The following TSPAN4 variants were observed in gnomAD, a reference collection of about 807,000 sequenced individuals.
TSPAN4 encodes tetraspanin-4.
A neutral mutation model predicts 31.5 loss-of-function variants in TSPAN4; 38 were observed. That is an observed-to-expected ratio of 1.21 (90% CI 0.93 to 1.58). The LOEUF is 1.58. Ranked by LOEUF, TSPAN4 falls within the 40% of genes most tolerant of loss-of-function variation. The pLI is 0.00. For missense variants in TSPAN4, 330 were observed against 317.3 expected (o/e 1.04, Z -0.30); for synonymous variants, 186 against 144.6 (o/e 1.29, Z -2.06).
At chr11:851,340 T>A (rs1015713516) in intron 3 of TSPAN4, among the ~76,000 whole-genome samples, 3 of 152,164 alleles carry the variant, frequency 2.0e-5, no homozygotes, top group Admixed American at 6.5e-5. Flanking sequence ...CTGAACCAGC[T>A]CCTGCAGCTG....
At chr11:864,760 T>TC in intron 5 of TSPAN4, 3 of 576,672 alleles carry the variant, frequency 5.2e-6, no homozygotes, top group Non-Finnish European at 9.3e-6. Context: ...CCCCAGGTTG[T>TC]CCCCCGCCCT....
At chr11:861,385 C>T (rs901453133) in intron 3 of TSPAN4, among the ~76,000 whole-genome samples, 34 of 152,096 alleles carry the variant, frequency 2.2e-4, no homozygotes, top group Middle Eastern at 3.4e-3. Flanking sequence ...GAGGCCGAGA[C>T]GGGCTGATCA....
intron 5 of TSPAN4, 77 bp downstream of exon 5, chr11:864,588 G>A (rs962139487): frequency 2.6e-5 from 40 of 1,564,998 alleles, no homozygotes; most frequent in Middle Eastern, 1.7e-4. Flanking sequence ...CTGTGGGCCC[G>A]GTGTGGACAG....
chr11:848,575 C>T lies in TSPAN4; in HGVS notation c.-18+1275C>T, dbSNP rs918963207. 5.9e-5 allele frequency among the ~76,000 whole-genome samples: 9 copies of T among 152,168 alleles called. No homozygotes were observed. Among genetic ancestry groups the T allele is most frequent in the Non-Finnish European group, 1.0e-4 (7 of 68,006 alleles). On this transcript the variant is annotated intron_variant, in intron 2 of 8. Transcript: ENST00000397397. The surrounding 1 kb of genome is among the most constrained non-coding windows in gnomAD (Gnocchi z 5.7). ...CCGGGGCTTCCACGGCAGCCCTCCC[C>T]AGACCTGCCACCTCCCACATCAGTC...
At chr11:851,780 G>A (rs377459762) in intron 3 of TSPAN4, among the ~76,000 whole-genome samples, 30 of 152,110 alleles carry the variant, frequency 2.0e-4, no homozygotes, top group East Asian at 1.7e-3. Flanking sequence ...ACGGGGGGAC[G>A]GGGCAGAATG....
At chr11:846,800 C>T (rs1183614974) in intron 1 of TSPAN4, among the ~76,000 whole-genome samples, 1 of 152,110 alleles carries the variant, frequency 6.6e-6, no homozygotes, top group East Asian at 1.9e-4. Flanking sequence ...GGTCCAGGAC[C>T]CCAGGGAGGA....
At chr11:866,153 G>A (rs1848803178) in intron 8 of TSPAN4, 152 bp downstream of exon 8, 5 of 817,842 alleles carry the variant, frequency 6.1e-6, no homozygotes, top group East Asian at 2.7e-5. Flanking sequence ...GGATGGGCAG[G>A]GACGGCCTGT....
At chr11:855,334 C>T (rs981166637) in intron 3 of TSPAN4, among the ~76,000 whole-genome samples, 5 of 152,194 alleles carry the variant, frequency 3.3e-5, no homozygotes, top group Non-Finnish European at 7.4e-5. Flanking sequence ...CGCGCTTGTG[C>T]GATGTGAGCC....
At position 862,536 on chromosome 11, in the gene TSPAN4, T is replaced by C. The variant is rs1251293663; in HGVS notation, c.64-14T>C. The C allele has an allele frequency of 2.5e-6, 4 of 1,596,012 alleles. No individual in the cohort carries two copies. In the South Asian group the frequency reaches 3.4e-5, roughly 14 times the overall value. On this transcript the variant is annotated splice_polypyrimidine_tract_variant and intron_variant, in intron 3 of 8. Coordinates refer to ENST00000397397, the MANE Select transcript of TSPAN4 (RefSeq NM_003271.5). Reference sequence around the variant, plus strand: ...CCTCACCCTGTCTGTGTCTCTCCTGTTGCTGTGCCCCAGCTGGGAGGCTGT... The same window carrying C: ...CCTCACCCTGTCTGTGTCTCTCCTGCTGCTGTGCCCCAGCTGGGAGGCTGT...
At chr11:857,507 A>G (rs577204934) in intron 3 of TSPAN4, 1 of 144,660 alleles carries the variant, frequency 6.9e-6, no homozygotes, top group South Asian at 2.2e-4. Context: ...GGTTCACGCC[A>G]TTCTCCTGCC....
At chr11:859,239 TCACA>T (rs530492449) in intron 3 of TSPAN4, among the ~76,000 whole-genome samples, 10 of 45,178 alleles carry the variant, frequency 2.2e-4, no homozygotes, top group African/African-American at 9.6e-4. Context: ...TCATCCCCGC[TCACA>T]CACACCCCCA....
intron 5 of TSPAN4, chr11:865,042 T>G: frequency 5.6e-6 from 1 of 178,630 alleles, no homozygotes. Flanking sequence ...GACTTTTCAT[T>G]TTGGGGCACG....
Position 860,825 on chromosome 11 carries a change from C to A in TSPAN4, c.64-1725C>A, listed in dbSNP as rs188351323. 8.1e-3 allele frequency among the ~76,000 whole-genome samples: 1,234 copies of A among 152,232 alleles called. 28 individuals are homozygous for A. Among genetic ancestry groups the A allele is most frequent in the African/African-American group, 0.028 (1,150 of 41,532 alleles). On this transcript the variant is annotated intron_variant, in intron 3 of 8. Transcript: ENST00000397397. The stretch of plus-strand genomic sequence containing the variant: ...CAGGTTGAGGGGTGGCTTTGCCAGC[C>A]CATTCCCAAGTCCTGTCCAGTCCAG...
At position 862,693 on chromosome 11, in the gene TSPAN4, C is replaced by T. The variant is rs768894678; in HGVS notation, c.207C>T (p.Phe69=). ...GCGCCTTTGTCATGGCCATCGGCTT[C>T]GTGGGCTGCCTGGGTGCCATCAAGG... is the stretch of plus-strand genomic sequence containing the variant. ...ITGAFVMAIG[F]VGCLGAIKEN... is the part of the protein sequence containing the mutation. Residue 69 remains phenylalanine, a synonymous_variant, in exon 4 of 9, where the codon TTC becomes TTT. Transcript: ENST00000397397. 1.4e-5 allele frequency: 23 copies of T among 1,612,958 alleles called. No homozygotes were observed. The highest frequency in any genetic ancestry group is 4.5e-5 in the East Asian group (2 of 44,878).
rs183744017 is a variant in TSPAN4 at position 861,440 on chromosome 11, T to C, written c.64-1110T>C. On this transcript the variant is annotated intron_variant, in intron 3 of 8. Transcript: ENST00000397397. ...TCAAGACCATCCTGGCGGCTGGGCGTGGTGGCTCACGCCTGGAATCCCAGC... is the reference window on the plus strand; with the variant it reads ...TCAAGACCATCCTGGCGGCTGGGCGCGGTGGCTCACGCCTGGAATCCCAGC... 2.5e-3 allele frequency among the ~76,000 whole-genome samples: 375 copies of C among 151,876 alleles called. 2 individuals are homozygous for C. The highest frequency in any genetic ancestry group is 8.5e-3 in the African/African-American group (354 of 41,432).
intron 5 of TSPAN4, chr11:864,861 C>T (rs1025454901): frequency 2.8e-6 from 1 of 362,502 alleles, no homozygotes; most frequent in Non-Finnish European, 5.1e-6. Context: ...TCTTCTTGGT[C>T]ACTCACTCAT....
At chr11:845,266 G>A (rs1187629420) in intron 1 of TSPAN4, among the ~76,000 whole-genome samples, 1 of 152,158 alleles carries the variant, frequency 6.6e-6, no homozygotes. Context: ...ACGAGCACAC[G>A]TGCCCGACAC....
intron 2 of TSPAN4, chr11:849,713 G>T (rs1847522623): frequency 6.6e-6 from 1 of 151,186 alleles, no homozygotes; most frequent in African/African-American, 2.4e-5. Flanking sequence ...GGTCCGCCCA[G>T]GCGGAGCGCT....
chr11:864,767 C>T, intron 5 of TSPAN4: 1 of 572,106 alleles, frequency 1.7e-6, no homozygotes, highest in Non-Finnish European at 3.1e-6. Flanking sequence ...TTGTCCCCCG[C>T]CCTCTGACGC....
Sources: gnomAD v4.1 joint callset for allele counts (sites outside exome capture counted in the v4.1 genomes callset) on GRCh38, gnomAD v4.1.1 for gene constraint, Gnocchi (gnomAD v3.1) non-coding constraint, MANE v1.5 for transcripts, NCBI Gene and HGNC (gene_info 2026-07-23, HGNC 2026-07-21) for gene names.